The following HNRNPK variants were observed in gnomAD, a reference collection of about 807,000 sequenced individuals.
HNRNPK encodes dC-stretch binding protein.
A neutral mutation model predicts 67.0 loss-of-function variants in HNRNPK; 7 were observed. The ratio of observed to expected loss-of-function variants is 0.10; its 90% confidence interval spans 0.06 to 0.20. The LOEUF (loss-of-function observed/expected upper bound fraction) is 0.20, where lower values mean the gene tolerates loss of function less well. HNRNPK is among the 10% of genes least tolerant of loss of function. The pLI is 1.00. For missense variants in HNRNPK, 264 were observed against 606.5 expected, an observed-to-expected ratio of 0.44 and a Z score of 5.93; for synonymous variants, 213 against 193.7, an observed-to-expected ratio of 1.10 and a Z score of -0.83.
chr9:83,980,405 C>G (rs987506252), upstream of HNRNPK: 3 of 152,662 alleles, frequency 2.0e-5, no homozygotes, highest in Non-Finnish European at 4.4e-5. Flanking sequence ...ACTAAGGGCT[C>G]GAGAAAACCC....
intron 1 of HNRNPK, among the ~76,000 whole-genome samples, chr9:83,978,783 C>A (rs1396353496): frequency 6.6e-6 from 1 of 152,158 alleles, no homozygotes; most frequent in African/African-American, 2.4e-5. Flanking sequence ...AGTTACAATG[C>A]ATCTTATTCA....
At chr9:83,973,172 G>T (rs550190413) in intron 9 of HNRNPK, 114 bp downstream of exon 9, 3 of 788,680 alleles carry the variant, frequency 3.8e-6, no homozygotes, top group South Asian at 3.2e-5. Flanking sequence ...TGTCATTTGC[G>T]ATAAGCAATC....
rs768088588 is a variant in HNRNPK, at chr9:83,974,498, T to A, written c.330+19A>T. 1.3e-5 allele frequency: 17 copies of A among 1,262,156 alleles called. No homozygotes were observed. The highest frequency in any genetic ancestry group is 1.6e-5 in the Non-Finnish European group (14 of 878,626). The allele number at this position is 1,262,156 out of a possible 1,614,324, so 78.2% of individuals were successfully genotyped here. A position where few individuals can be genotyped will look rare whatever the true frequency, so the allele number is the denominator to read the frequency against. Reference sequence around the variant, plus strand: ...CCCCCCTCATATTGTCAAATACATTTAAAAAAAAATGAGCCTACCTCTTCC... The same window carrying A: ...CCCCCCTCATATTGTCAAATACATTAAAAAAAAAATGAGCCTACCTCTTCC... On this transcript the variant is annotated intron_variant, in intron 7 of 16. Coordinates refer to ENST00000376263, the MANE Select transcript of HNRNPK (RefSeq NM_031263.4).
intron 10 of HNRNPK, 127 bp downstream of exon 10, chr9:83,972,717 G>C: frequency 1.6e-6 from 1 of 624,668 alleles, no homozygotes. Flanking sequence ...CTGAAGCCAG[G>C]TGATAGAAAA....
intron 13 of HNRNPK, 102 bp downstream of exon 13, chr9:83,971,171 T>C (rs912921042): frequency 2.1e-5 from 19 of 896,470 alleles, no homozygotes; most frequent in Non-Finnish European, 3.4e-5. Context: ...TCCTGTATCC[T>C]ATTTTCAGTA....
chr9:83,971,108 C>T, intron 13 of HNRNPK, 165 bp downstream of exon 13: 1 of 734,554 alleles, frequency 1.4e-6, no homozygotes, highest in Non-Finnish European at 2.4e-6. Flanking sequence ...CACCCAGCTT[C>T]ACTATTCAAG....
chr9:83,974,107 T>C (rs1025774159), intron 7 of HNRNPK, 134 bp from the exon 8 acceptor site: 10 of 566,438 alleles, frequency 1.8e-5, no homozygotes, highest in Admixed American at 3.4e-5. Context: ...TTATTCAACA[T>C]TAAGACGATT....
intron 11 of HNRNPK, 32 bp from the exon 12 acceptor site, chr9:83,971,758 G>A (rs376452299): frequency 3.1e-6 from 5 of 1,602,454 alleles, no homozygotes; most frequent in East Asian, 2.2e-5. Flanking sequence ...TAATCTAAAC[G>A]TGCTTACATG....
chr9:83,970,021 CAAACTA>C, intron 16 of HNRNPK, 135 bp downstream of exon 16: 1 of 686,544 alleles, frequency 1.5e-6, no homozygotes, highest in Admixed American at 2.7e-5. Flanking sequence ...AAAATTAAGG[CAAACTA>C]TTAGAATGTT....
chr9:83,971,034 C>A, intron 13 of HNRNPK, 122 bp from the exon 14 acceptor site: 1 of 983,208 alleles, frequency 1.0e-6, no homozygotes, highest in Non-Finnish European at 1.6e-6. Flanking sequence ...CTCAAACTCT[C>A]GGGCTCAAGT....
chr9:83,970,611 C>A (rs1366800209), intron 15 of HNRNPK, 126 bp downstream of exon 15: 2 of 717,414 alleles, frequency 2.8e-6, no homozygotes, highest in East Asian at 5.4e-5. Flanking sequence ...CTCACTAAAG[C>A]CCATTAACAT....
chr9:83,970,600 G>A (rs1025342664), intron 15 of HNRNPK, 137 bp downstream of exon 15: 2 of 688,622 alleles, frequency 2.9e-6, no homozygotes, highest in African/African-American at 1.8e-5. Flanking sequence ...TGAAAACCCA[G>A]CTCACTAAAG....
chr9:83,968,716 T>A lies in HNRNPK; in HGVS notation c.*691A>T, dbSNP rs182623942. On this transcript the variant is annotated 3_prime_UTR_variant, in exon 17 of 17. Transcript: ENST00000376263. ...GTATGATGGAATTTCTTCCCAGCAA[T>A]AGACTTCCAAACCATCAAGAAATCA... 1 of 152,628 alleles carries A rather than the reference T, an allele frequency of 6.6e-6. No homozygotes were observed. The highest frequency in any genetic ancestry group is 1.5e-5 in the Non-Finnish European group (1 of 68,032). The allele number at this position is 152,628 out of a possible 1,614,324, so 9.5% of individuals were successfully genotyped here.
upstream of HNRNPK, chr9:83,980,430 T>C (rs1957341941): frequency 6.6e-6 from 1 of 152,652 alleles, no homozygotes; most frequent in South Asian, 2.1e-4. Context: ...TTGGGAAAAG[T>C]AAACGCAGCC....
rs779874973 is a variant in HNRNPK at position 83,968,754 on chromosome 9, T to C, written c.*653A>G. 1 of 152,632 alleles carries C rather than the reference T, an allele frequency of 6.6e-6. No homozygotes were observed. Among genetic ancestry groups the C allele is most frequent in the Non-Finnish European group, 1.5e-5 (1 of 68,048 alleles). 9.5% of individuals were successfully genotyped at this position (152,632 alleles called of 1,614,324 possible). A position where few individuals can be genotyped will look rare whatever the true frequency, so the allele number is the denominator to read the frequency against. On this transcript the variant is annotated 3_prime_UTR_variant, in exon 17 of 17. Transcript: ENST00000376263. ...CATCAAGAAATCACCAGAACTAAGT[T>C]TGCCAAGTTATTTTGCCTATGTCCA...
chr9:83,978,628 G>A (rs1037272067), intron 1 of HNRNPK, among the ~76,000 whole-genome samples, 176 bp from the exon 2 acceptor site: 3 of 152,138 alleles, frequency 2.0e-5, no homozygotes, highest in Non-Finnish European at 4.4e-5. Context: ...AAATTCAAGG[G>A]AGCCTGGTTT....
At chr9:83,975,715 G>A in intron 5 of HNRNPK, 2 of 600,346 alleles carry the variant, frequency 3.3e-6, no homozygotes, top group Non-Finnish European at 6.1e-6. Context: ...GGAGATATAT[G>A]GCCAAAAAAA....
chr9:83,970,251 A>T lies in HNRNPK; in HGVS notation c.1272T>A (p.Asp424Glu). 6.2e-7 allele frequency: 1 copy of T among 1,613,768 alleles called. No homozygotes were observed. The highest frequency in any genetic ancestry group is 8.5e-7 in the Non-Finnish European group (1 of 1,179,670). ...RHESGASIKI[D>E]EPLEGSEDRI... ...GATCTTCGGATCCTTCTAAAGGCTC[A>T]TCAATTTTGATCGAAGCTCCCGACT... The change falls in exon 16 of 17, where the codon GAT becomes GAA. Residue 424 changes from aspartate to glutamate, a missense_variant. By Grantham distance (45) the Asp-to-Glu change is conservative. This residue lies in a region of HNRNPK where 24 missense variants were observed against 103.3 expected (regional missense o/e 0.23). Coordinates refer to ENST00000376263, the MANE Select transcript of HNRNPK (RefSeq NM_031263.4).
At chr9:83,970,521 GT>G (rs1271782636) in intron 15 of HNRNPK, 190 bp from the exon 16 acceptor site, 1 of 646,360 alleles carries the variant, frequency 1.5e-6, no homozygotes, top group Non-Finnish European at 2.7e-6. Context: ...CCCTTAGTTA[GT>G]TAAGGGCTCA....
Sources: gnomAD v4.1 joint callset for allele counts (sites outside exome capture counted in the v4.1 genomes callset) on GRCh38, gnomAD v4.1.1 for gene constraint, gnomAD v4.1.1 regional missense constraint, MANE v1.5 for transcripts, NCBI Gene and HGNC (gene_info 2026-07-23, HGNC 2026-07-21) for gene names.